Variants in COL19A1 observed in about 807,000 individuals in gnomAD.
COL19A1 encodes collagen type XIX alpha 1 chain.
Under a neutral mutation model 190.2 loss-of-function variants are expected in COL19A1, and 159 were observed. That is an observed-to-expected ratio of 0.84 (90% CI 0.73 to 0.95). The LOEUF is 0.95. COL19A1 is among the 40% of genes least tolerant of loss of function. The pLI is 0.00. For synonymous variants in COL19A1, 509 were observed against 458.9 expected (o/e 1.11, Z -1.39); for missense variants, 1,418 against 1,431.9 (o/e 0.99, Z 0.16).
chr6:70,141,509 A>G (rs1786247650), intron 20 of COL19A1, among the ~76,000 whole-genome samples: 1 of 152,036 alleles, frequency 6.6e-6, no homozygotes, highest in African/African-American at 2.4e-5. Flanking sequence ...AAGTAGAATC[A>G]CCAACACATA....
chr6:70,033,527 T>C (rs1779183501), intron 12 of COL19A1, among the ~76,000 whole-genome samples: 1 of 152,174 alleles, frequency 6.6e-6, no homozygotes, highest in Non-Finnish European at 1.5e-5. Context: ...GCTGTAGAGC[T>C]GATCTCCTCT....
Position 69,929,538 on chromosome 6 carries a change from T to A in COL19A1, c.504T>A (p.Asp168Glu), listed in dbSNP as rs954562339. The change falls in exon 6 of 51, where the codon GAT becomes GAA. Residue 168 changes from aspartate to glutamate, a missense_variant. By Grantham distance (45) the Asp-to-Glu change is conservative (BLOSUM62 2). Transcript: ENST00000620364. The part of the protein sequence containing the change: ...FRNRELRPLF[D>E]RQWHKLGISI... ...ATCGAGAACTCCGTCCTTTGTTTGA[T>A]CGTCAGTGGCACAAACTTGGCATTA... 3 of 1,614,082 alleles carry A rather than the reference T, an allele frequency of 1.9e-6. No individual in the cohort carries two copies. Among genetic ancestry groups the A allele is most frequent in the Non-Finnish European group, 2.5e-6 (3 of 1,179,970 alleles).
intron 49 of COL19A1, among the ~76,000 whole-genome samples, chr6:70,205,939 C>G (rs898323270): frequency 6.6e-6 from 1 of 152,112 alleles, no homozygotes; most frequent in Admixed American, 6.6e-5. Context: ...TGCTGAAGCT[C>G]CTTTGGAGTT....
chr6:70,041,225 G>A (rs1017745305), intron 14 of COL19A1, among the ~76,000 whole-genome samples: 1 of 152,102 alleles, frequency 6.6e-6, no homozygotes, highest in African/African-American at 2.4e-5. Context: ...TTTCTTTTCA[G>A]CCACTTTTTG....
At chr6:70,059,867 G>C in intron 14 of COL19A1, 1 of 452,802 alleles carries the variant, frequency 2.2e-6, no homozygotes, top group Non-Finnish European at 4.4e-6. Context: ...AGCAGACTAA[G>C]TAAATTAAAA....
chr6:69,967,234 G>A (rs1175898971), intron 11 of COL19A1, among the ~76,000 whole-genome samples: 1 of 152,168 alleles, frequency 6.6e-6, no homozygotes, highest in African/African-American at 2.4e-5. Context: ...GGCATATATG[G>A]TGGCAGATTC....
intron 16 of COL19A1, among the ~76,000 whole-genome samples, chr6:70,108,882 A>G (rs1784120087): frequency 6.6e-6 from 1 of 152,180 alleles, no homozygotes; most frequent in Admixed American, 6.6e-5. Context: ...ATCATTGCAC[A>G]GTCCTGAAAG....
At chr6:69,981,155 T>C (rs542728930) in intron 11 of COL19A1, among the ~76,000 whole-genome samples, 20 of 152,328 alleles carry the variant, frequency 1.3e-4, no homozygotes, top group Middle Eastern at 6.8e-3. Context: ...TGTTATAACA[T>C]AGTATTACTT....
At chr6:69,873,150 AC>A (rs1007430145) in intron 1 of COL19A1, among the ~76,000 whole-genome samples, 2 of 151,914 alleles carry the variant, frequency 1.3e-5, no homozygotes, top group African/African-American at 2.4e-5. Flanking sequence ...CTGGATGTGC[AC>A]CCGCTCTCAG....
At chr6:70,134,809 C>T (rs1309908929) in intron 18 of COL19A1, among the ~76,000 whole-genome samples, 1 of 152,186 alleles carries the variant, frequency 6.6e-6, no homozygotes, top group Non-Finnish European at 1.5e-5. Context: ...TTTTCACACA[C>T]AGCAAGCAAG....
intron 18 of COL19A1, 76 bp from the exon 19 acceptor site, chr6:70,137,609 A>G: frequency 7.5e-7 from 1 of 1,334,914 alleles, no homozygotes; most frequent in Non-Finnish European, 1.1e-6. Flanking sequence ...AGAGCAAGCA[A>G]TCATTCTGTA....
At chr6:70,062,854 T>G (rs1160328313) in intron 14 of COL19A1, among the ~76,000 whole-genome samples, 3 of 151,870 alleles carry the variant, frequency 2.0e-5, no homozygotes, top group African/African-American at 4.8e-5. Flanking sequence ...AAACAGACTT[T>G]AAACCAACAA....
At chr6:70,089,437 T>C (rs1373856316) in intron 15 of COL19A1, among the ~76,000 whole-genome samples, 1 of 152,198 alleles carries the variant, frequency 6.6e-6, no homozygotes. Flanking sequence ...ATAAGATCTC[T>C]AAGTTATTGG....
chr6:70,196,702 A>T (rs1163349409), intron 48 of COL19A1, among the ~76,000 whole-genome samples: 1 of 152,228 alleles, frequency 6.6e-6, no homozygotes, highest in African/African-American at 2.4e-5. Context: ...GCCTTGGCAG[A>T]TGGAAAATGT....
At chr6:69,999,464 G>A (rs944524432) in intron 11 of COL19A1, among the ~76,000 whole-genome samples, 1 of 152,096 alleles carries the variant, frequency 6.6e-6, no homozygotes, top group African/African-American at 2.4e-5. Context: ...AGCCCAGGAG[G>A]TCAAGGCTGC....
rs553882441 is a variant in COL19A1, at chr6:69,905,216, C to T, written c.266+4878C>T. On this transcript the variant is annotated intron_variant, in intron 4 of 50. Transcript: ENST00000620364. ...TGCTGGGGTCAGGTTCCAGCTCATG[C>T]TGAGATCTGAAGGGAGTGGGTGGGT... 7.9e-5 allele frequency among the ~76,000 whole-genome samples: 12 copies of T among 152,306 alleles called. No homozygotes were observed. In the South Asian group the frequency reaches 1.9e-3, roughly 24 times the overall value.
At position 69,921,459 on chromosome 6, in the gene COL19A1, A is replaced by ATCATATATCATATATTCATATATAT. The variant is rs1561998438; in HGVS notation, c.267-6442_267-6441insCATATATTCATATATATTCATATAT. Among the ~76,000 whole-genome samples, 117 of 21,182 alleles carry ATCATATATCATATATTCATATATAT rather than the reference A, an allele frequency of 5.5e-3. 5 individuals carry two copies. The East Asian group carries it at 0.084, about 15-fold the overall frequency. 13.9% of individuals were successfully genotyped at this position (21,182 alleles called of 152,430 possible). A position where few individuals can be genotyped will look rare whatever the true frequency, so the allele number is the denominator to read the frequency against. Reference sequence around the variant, plus strand: ...ATCATATATATCATATATCATATATATCATATATATTCATATATTCATATA... The same window carrying ATCATATATCATATATTCATATATAT: ...ATCATATATATCATATATCATATATATCATATATCATATATTCATATATATTCATATATATTCATATATTCATATA... On this transcript the variant is annotated intron_variant, in intron 4 of 50. Transcript: ENST00000620364.
chr6:69,867,010 G>T (rs888762178), intron 1 of COL19A1, among the ~76,000 whole-genome samples: 1 of 151,860 alleles, frequency 6.6e-6, no homozygotes, highest in Non-Finnish European at 1.5e-5. Flanking sequence ...ATGCGGGTAG[G>T]GACAGACATC....
At chr6:70,182,620 C>T (rs745329754) in intron 44 of COL19A1, among the ~76,000 whole-genome samples, 4 of 152,122 alleles carry the variant, frequency 2.6e-5, no homozygotes, top group African/African-American at 9.7e-5. Context: ...GGAAGAAAAT[C>T]GGGCAAGTGA....
Sources: gnomAD v4.1 joint callset for allele counts (sites outside exome capture counted in the v4.1 genomes callset) on GRCh38, gnomAD v4.1.1 for gene constraint, MANE v1.5 for transcripts, NCBI Gene and HGNC (gene_info 2026-07-23, HGNC 2026-07-21) for gene names.